Variants in FARS2 observed in about 807,000 individuals in gnomAD.
The protein encoded by FARS2 is phenylalanine--tRNA ligase, mitochondrial.
FARS2 carries 40 observed loss-of-function variants against 46.4 expected under a neutral mutation model. That is an observed-to-expected ratio of 0.86 (90% confidence interval 0.67 to 1.12). The LOEUF is 1.12. Ranked by LOEUF, FARS2 falls within the 50% of genes most tolerant of loss-of-function variation. FARS2 has a pLI of 0.00. For synonymous variants in FARS2, 234 were observed against 214.9 expected, an observed-to-expected ratio of 1.09 and a Z score of -0.78; for missense variants, 513 against 567.9, an observed-to-expected ratio of 0.90 and a Z score of 0.98.
intron 2 of FARS2, among the ~76,000 whole-genome samples, chr6:5,402,215 T>C (rs1761297975): frequency 6.6e-6 from 1 of 151,334 alleles, no homozygotes; most frequent in Admixed American, 6.6e-5. Flanking sequence ...TCTGAGATGA[T>C]TTTATTTCTT....
At chr6:5,545,055 G>C in intron 4 of FARS2, 125 bp from the exon 5 acceptor site, 1 of 808,566 alleles carries the variant, frequency 1.2e-6, no homozygotes, top group East Asian at 2.5e-5. Context: ...CTTTGTAGCG[G>C]CTGCCCAGTG....
At chr6:5,586,625 C>T (rs151283125) in intron 5 of FARS2, among the ~76,000 whole-genome samples, 1 of 152,188 alleles carries the variant, frequency 6.6e-6, no homozygotes, top group Non-Finnish European at 1.5e-5. Flanking sequence ...CATCCATGTT[C>T]ATTAGAAATA....
chr6:5,500,324 A>T (rs1582281886), intron 4 of FARS2, among the ~76,000 whole-genome samples: 1 of 152,202 alleles, frequency 6.6e-6, no homozygotes, highest in African/African-American at 2.4e-5. Context: ...GGAGGCTGGG[A>T]AAGTACTCAT....
At chr6:5,711,291 G>GATGAATGA (rs34840036) in intron 6 of FARS2, among the ~76,000 whole-genome samples, 3,429 of 151,362 alleles carry the variant, frequency 0.023, 55 homozygotes, top group African/African-American at 0.04. Flanking sequence ...ATGCGGGATG[G>GATGAATGA]ATGAATGAAT....
chr6:5,531,415 C>G (rs11758527), intron 4 of FARS2, among the ~76,000 whole-genome samples: 2 of 152,150 alleles, frequency 1.3e-5, no homozygotes, highest in Non-Finnish European at 2.9e-5. Context: ...TTATTAAACT[C>G]CAGAGAACCA....
intron 6 of FARS2, among the ~76,000 whole-genome samples, chr6:5,725,549 C>T (rs1228487132): frequency 6.6e-6 from 1 of 152,196 alleles, no homozygotes; most frequent in Non-Finnish European, 1.5e-5. Context: ...ATCTGTAAAA[C>T]AGAAATAATA....
At chr6:5,346,408 A>G (rs913601409) in intron 1 of FARS2, among the ~76,000 whole-genome samples, 1 of 152,314 alleles carries the variant, frequency 6.6e-6, no homozygotes, top group Non-Finnish European at 1.5e-5. Flanking sequence ...ACAATAAATA[A>G]AGTAGAATTG....
In FARS2 at chr6:5,764,826, G is replaced by A. The variant is rs1056541029; in HGVS notation, c.1218-6465G>A. On this transcript the variant is annotated intron_variant, in intron 6 of 6. Transcript: ENST00000274680. This position sits in a 1 kb window ranked among gnomAD's most constrained non-coding sequence, Gnocchi z 4.1. ...TAAACCAAGTGGTTGTATGATAGAGGAATTCCAACCCTCGCTAACACTCTG... is the reference window on the plus strand; with the variant it reads ...TAAACCAAGTGGTTGTATGATAGAGAAATTCCAACCCTCGCTAACACTCTG... Among the ~76,000 whole-genome samples, 1 of 152,068 alleles carries A rather than the reference G, an allele frequency of 6.6e-6. No homozygotes were observed. Among genetic ancestry groups the A allele is most frequent in the African/African-American group, 2.4e-5 (1 of 41,404 alleles).
chr6:5,565,054 T>G (rs1000550412), intron 5 of FARS2, among the ~76,000 whole-genome samples: 2 of 152,242 alleles, frequency 1.3e-5, no homozygotes, highest in African/African-American at 4.8e-5. Flanking sequence ...GGATTCTTAC[T>G]GCACTGATGC....
intron 2 of FARS2, among the ~76,000 whole-genome samples, chr6:5,400,867 A>G (rs1235787476): frequency 1.9e-4 from 29 of 151,980 alleles, no homozygotes; most frequent in Admixed American, 1.8e-3. Context: ...ATATATAGAT[A>G]TTCATAAGTG....
intron 4 of FARS2, among the ~76,000 whole-genome samples, chr6:5,459,653 C>T (rs1165045120): frequency 2.0e-5 from 3 of 152,030 alleles, no homozygotes; most frequent in Non-Finnish European, 4.4e-5. Flanking sequence ...TTGCTTTACT[C>T]TTTTTAAAAA....
intron 6 of FARS2, among the ~76,000 whole-genome samples, chr6:5,680,973 A>T (rs535630698): frequency 5.3e-5 from 8 of 152,356 alleles, no homozygotes; most frequent in African/African-American, 1.9e-4. Context: ...AAATATAAAA[A>T]CAATAATATC....
chr6:5,365,732 T>C (rs2127636833), intron 1 of FARS2, among the ~76,000 whole-genome samples: 1 of 152,228 alleles, frequency 6.6e-6, no homozygotes, highest in Middle Eastern at 3.4e-3. Context: ...TGACTTCCCC[T>C]AACTTAACTA....
Position 5,604,637 on chromosome 6 carries a change from T to C in FARS2, c.1066-8532T>C, listed in dbSNP as rs141540840. On this transcript the variant is annotated intron_variant, in intron 5 of 6. Transcript: ENST00000274680. ...TTTAAATTTAAATAAACATGCTGCA[T>C]TGAAAGTAGTTACCACAAGACAAAC... Among the ~76,000 whole-genome samples the C allele has an allele frequency of 4.6e-5, 7 of 152,326 alleles. No individual in the cohort carries two copies. In the East Asian group the frequency reaches 1.4e-3, roughly 29 times the overall value.
At chr6:5,391,573 T>TA (rs1214078780) in intron 2 of FARS2, among the ~76,000 whole-genome samples, 10 of 150,772 alleles carry the variant, frequency 6.6e-5, no homozygotes, top group South Asian at 2.1e-4. Context: ...CAATAGTTAT[T>TA]TTTTTTTTAA....
Position 5,583,830 on chromosome 6 carries a change from C to T in FARS2, c.1066-29339C>T, listed in dbSNP as rs941600453. On this transcript the variant is annotated intron_variant, in intron 5 of 6. Coordinates refer to ENST00000274680, the MANE Select transcript of FARS2 (RefSeq NM_006567.5). Reference sequence around the variant, plus strand: ...GATAACCCTGCAGTCTGTTCCATCCCGGGCACAGGCAACTGGCTATTCTCA... The same window carrying T: ...GATAACCCTGCAGTCTGTTCCATCCTGGGCACAGGCAACTGGCTATTCTCA... Among the ~76,000 whole-genome samples the T allele has an allele frequency of 4.6e-5, 7 of 152,218 alleles. No homozygotes were observed. In the East Asian group the frequency reaches 9.7e-4, roughly 21 times the overall value.
chr6:5,497,124 T>C (rs1767517950), intron 4 of FARS2, among the ~76,000 whole-genome samples: 1 of 152,256 alleles, frequency 6.6e-6, no homozygotes, highest in South Asian at 2.1e-4. Context: ...TGAAATCTCG[T>C]GTATGATGAT....
chr6:5,279,236 G>A (rs1461714413), intron 1 of FARS2, among the ~76,000 whole-genome samples: 1 of 151,816 alleles, frequency 6.6e-6, no homozygotes, highest in East Asian at 1.9e-4. Context: ...AATTAGCCGG[G>A]CATGGTGGCA....
intron 6 of FARS2, among the ~76,000 whole-genome samples, chr6:5,639,897 A>C (rs1439127192): frequency 1.3e-5 from 2 of 152,222 alleles, no homozygotes; most frequent in African/African-American, 4.8e-5. Flanking sequence ...CACTCACTTC[A>C]GAGCATTAGT....
Sources: allele counts gnomAD v4.1 joint callset (sites outside exome capture counted in the v4.1 genomes callset), GRCh38; gene constraint gnomAD v4.1.1; non-coding constraint Gnocchi (gnomAD v3.1); transcripts MANE v1.5; gene names NCBI Gene and HGNC (gene_info 2026-07-23, HGNC 2026-07-21).